The following CCDC171 variants were observed in gnomAD, a reference collection of about 807,000 sequenced individuals.
CCDC171 encodes the protein coiled-coil domain containing 171, also known as coiled-coil domain-containing protein 171.
In CCDC171, 177 loss-of-function variants were observed where a neutral mutation model predicts 168.2. The ratio of observed to expected loss-of-function variants is 1.05; its 90% CI spans 0.93 to 1.19. CCDC171 has a LOEUF of 1.19. CCDC171 is among the 50% of genes most tolerant of loss of function. The pLI, the probability that CCDC171 is intolerant of heterozygous loss-of-function variation, is 0.00. For synonymous variants in CCDC171, 687 were observed against 540.8 expected (o/e 1.27, Z -3.75); for missense variants, 1,991 against 1,539.0 (o/e 1.29, Z -4.91).
intron 21 of CCDC171, among the ~76,000 whole-genome samples, chr9:15,834,703 G>C (rs1023718438): frequency 6.6e-6 from 1 of 152,194 alleles, no homozygotes; most frequent in Non-Finnish European, 1.5e-5. Context: ...AAACTGCAAA[G>C]GGTAAAGCAT....
intron 18 of CCDC171, among the ~76,000 whole-genome samples, chr9:15,748,912 C>A (rs532373284): frequency 5.3e-5 from 8 of 152,072 alleles, no homozygotes; most frequent in East Asian, 1.9e-4. Context: ...CATCAAGTAA[C>A]GGGCAAAATA....
chr9:16,040,737 C>T (rs1181116917), upstream of CCDC171, among the ~76,000 whole-genome samples: 1 of 152,196 alleles, frequency 6.6e-6, no homozygotes, highest in Non-Finnish European at 1.5e-5. Flanking sequence ...GTGTATTTTA[C>T]GTGGTTGAAA....
chr9:15,837,836 C>A (rs1450025319), intron 21 of CCDC171, among the ~76,000 whole-genome samples: 1 of 152,154 alleles, frequency 6.6e-6, no homozygotes, highest in African/African-American at 2.4e-5. Flanking sequence ...AAGCCGGTAC[C>A]AACCCTTTTA....
chr9:16,071,937 A>G, the CCDC171 span, among the ~76,000 whole-genome samples: 1 of 151,526 alleles, frequency 6.6e-6, no homozygotes, highest in Non-Finnish European at 1.5e-5. Context: ...CTCACAGCTC[A>G]CCTGAACAAA....
chr9:16,107,391 AAAGT>A, the CCDC171 span, among the ~76,000 whole-genome samples: 1 of 152,152 alleles, frequency 6.6e-6, no homozygotes, highest in Non-Finnish European at 1.5e-5. Context: ...CTATATGTAA[AAAGT>A]AAGGTTTCTT....
At chr9:16,002,903 T>C (rs193279958) in intron 3 of CCDC171, among the ~76,000 whole-genome samples, 21 of 152,362 alleles carry the variant, frequency 1.4e-4, no homozygotes, top group Middle Eastern at 3.4e-3. Context: ...TAAAGATTGG[T>C]AGCCTAGAAG....
intron 14 of CCDC171, 129 bp downstream of exon 14, chr9:15,725,105 T>G (rs992269400): frequency 1.5e-6 from 1 of 666,840 alleles, no homozygotes; most frequent in East Asian, 2.7e-5. Flanking sequence ...GAAATGTTTG[T>G]GACAGCTACA....
intron 23 of CCDC171, among the ~76,000 whole-genome samples, chr9:15,865,384 T>G (rs372272101): frequency 6.6e-6 from 1 of 150,552 alleles, no homozygotes; most frequent in Non-Finnish European, 1.5e-5. Context: ...TTTGTCATAT[T>G]TGTGTGTGTG....
chr9:15,784,896 G>T (rs1169261340), intron 21 of CCDC171, among the ~76,000 whole-genome samples: 1 of 152,038 alleles, frequency 6.6e-6, no homozygotes, highest in Non-Finnish European at 1.5e-5. Flanking sequence ...GGCTTTACTT[G>T]CTGGTTGAAA....
intron 21 of CCDC171, among the ~76,000 whole-genome samples, chr9:15,833,386 C>A (rs754506938): frequency 1.9e-4 from 29 of 152,078 alleles, no homozygotes; most frequent in Non-Finnish European, 3.4e-4. Flanking sequence ...CATCTGGAAA[C>A]TGAAGTGTTC....
At chr9:15,941,638 C>A (rs568404110) in intron 25 of CCDC171, among the ~76,000 whole-genome samples, 5 of 152,028 alleles carry the variant, frequency 3.3e-5, no homozygotes, top group African/African-American at 1.2e-4. Context: ...ATTGTGATAA[C>A]TTTATTTAGA....
At chr9:15,698,712 A>G (rs539214027) in intron 11 of CCDC171, among the ~76,000 whole-genome samples, 1 of 152,130 alleles carries the variant, frequency 6.6e-6, no homozygotes, top group South Asian at 2.1e-4. Flanking sequence ...CACACACATC[A>G]TATACTCTTT....
At chr9:15,868,014 G>A (rs2061864567) in intron 23 of CCDC171, among the ~76,000 whole-genome samples, 1 of 151,998 alleles carries the variant, frequency 6.6e-6, no homozygotes, top group South Asian at 2.1e-4. Context: ...TGAATAGTCA[G>A]TTTTTTAGAT....
chr9:16,039,385 G>A (rs1470944829), upstream of CCDC171, among the ~76,000 whole-genome samples: 2 of 152,168 alleles, frequency 1.3e-5, no homozygotes, highest in Non-Finnish European at 2.9e-5. Context: ...TTTTAAGTTA[G>A]TGCAAGCTAT....
chr9:15,621,030 A>C (rs2044461746), intron 6 of CCDC171, among the ~76,000 whole-genome samples: 3 of 152,134 alleles, frequency 2.0e-5, no homozygotes, highest in Admixed American at 2.0e-4. Flanking sequence ...CAGTGGCGTG[A>C]TCTCGACTCA....
intron 24 of CCDC171, among the ~76,000 whole-genome samples, chr9:15,919,178 G>A (rs1035682157): frequency 7.3e-5 from 11 of 151,594 alleles, no homozygotes; most frequent in Admixed American, 1.3e-4. Flanking sequence ...AAAGATCTGA[G>A]CTGGTTTTTT....
At chr9:15,733,473 G>A (rs919298851) in intron 16 of CCDC171, among the ~76,000 whole-genome samples, 5 of 149,314 alleles carry the variant, frequency 3.3e-5, no homozygotes, top group African/African-American at 1.2e-4. Flanking sequence ...TATCGATTAA[G>A]GTCAGTTTTT....
downstream of CCDC171, among the ~76,000 whole-genome samples, chr9:15,978,005 ACATTTT>A (rs1564097230): frequency 1.3e-5 from 2 of 148,572 alleles, no homozygotes; most frequent in African/African-American, 5.3e-5. Context: ...TAACCAAAAT[ACATTTT>A]CTTTTTCTAA....
intron 3 of CCDC171, among the ~76,000 whole-genome samples, chr9:15,991,379 G>T (rs201304987): frequency 2.7e-5 from 4 of 146,950 alleles, no homozygotes. Context: ...CTTTGAAACC[G>T]ATGAGAACAA....
Sources: allele counts gnomAD v4.1 joint callset (sites outside exome capture counted in the v4.1 genomes callset), GRCh38; gene constraint gnomAD v4.1.1; transcripts MANE v1.5; gene names NCBI Gene and HGNC (gene_info 2026-07-23, HGNC 2026-07-21).